The following ST18 variants were observed in gnomAD, a reference collection of about 807,000 sequenced individuals.
ST18 encodes the protein suppression of tumorigenicity 18 protein.
ST18 carries 50 observed loss-of-function variants against 110.0 expected under a neutral mutation model. That is an observed-to-expected ratio of 0.45 (90% CI 0.36 to 0.58). ST18 has a LOEUF of 0.58. Among genes scored for constraint, ST18 ranks in the 20% least tolerant of loss-of-function variants. The probability of loss-of-function intolerance (pLI) is 0.00; values close to 1 mark genes in which losing one functional copy is unlikely to be tolerated. For synonymous variants in ST18, 461 were observed against 452.4 expected (o/e 1.02, Z -0.24); for missense variants, 1,306 against 1,280.1 (o/e 1.02, Z -0.31).
intron 14 of ST18, 55 bp from the exon 15 acceptor site, chr8:52,159,164 CAG>C: frequency 6.6e-7 from 1 of 1,521,714 alleles, no homozygotes; most frequent in Non-Finnish European, 8.9e-7. Flanking sequence ...AGTCATTAAA[CAG>C]ATTTGTTTTT....
chr8:52,325,381 T>C (rs1805849486), intron 2 of ST18, among the ~76,000 whole-genome samples: 1 of 152,320 alleles, frequency 6.6e-6, no homozygotes, highest in East Asian at 1.9e-4. Context: ...TACTAAGAAA[T>C]CTGTAAATGC....
In ST18 at chr8:52,360,824, C is replaced by T. The variant is rs189587284; in HGVS notation, c.-465+48504G>A. On this transcript the variant is annotated intron_variant, in intron 2 of 25. Coordinates refer to ENST00000689386, the MANE Select transcript of ST18 (RefSeq NM_001352837.2). ...AGTTTTTTGAGTTTTACAAAGCCTT[C>T]CTTCTCCCTCCGAACAAGCAAGCGA... Among the ~76,000 whole-genome samples the T allele has an allele frequency of 2.0e-5, 3 of 152,262 alleles. No individual in the cohort carries two copies. In the East Asian group the frequency reaches 5.8e-4, roughly 29 times the overall value.
At chr8:52,159,219 A>G in intron 14 of ST18, 110 bp from the exon 15 acceptor site, 1 of 1,020,602 alleles carries the variant, frequency 9.8e-7, no homozygotes, top group Non-Finnish European at 1.4e-6. Flanking sequence ...TGAAGAATAA[A>G]TTAAAACACG....
In ST18 at chr8:52,116,332, C is replaced by T. The variant is rs551060800; in HGVS notation, c.2946G>A (p.Leu982=). The T allele has an allele frequency of 1.2e-6, 2 of 1,614,002 alleles. No individual in the cohort carries two copies. Among genetic ancestry groups the T allele is most frequent in the South Asian group, 2.2e-5 (2 of 91,068 alleles). ...AAATGAGAGCTTGGCTTAGACCTGC[C>T]AGCTCTTTCAGCAGACTTTCATTGT... The part of the protein sequence containing the change: ...EQNNESLLKE[L]AGLSQALISS... The change falls in exon 25 of 26, where the codon CTG becomes CTA. Residue 982 remains leucine, a synonymous_variant. Coordinates refer to ENST00000689386, the MANE Select transcript of ST18 (RefSeq NM_001352837.2).
intron 2 of ST18, among the ~76,000 whole-genome samples, chr8:52,378,855 T>C (rs1487443665): frequency 6.6e-6 from 1 of 152,198 alleles, no homozygotes. Context: ...TCCTACCTCA[T>C]TTTCTTGATC....
intron 2 of ST18, among the ~76,000 whole-genome samples, chr8:52,353,694 A>G (rs1471251359): frequency 6.6e-6 from 1 of 152,248 alleles, no homozygotes; most frequent in Non-Finnish European, 1.5e-5. Flanking sequence ...AGGGGAAATC[A>G]ACTAAAACTG....
intron 7 of ST18, among the ~76,000 whole-genome samples, chr8:52,213,317 A>C (rs2082887523): frequency 6.6e-6 from 1 of 152,164 alleles, no homozygotes; most frequent in Admixed American, 6.5e-5. Context: ...AACTATCTTG[A>C]CTACATACAC....
intron 22 of ST18, 124 bp downstream of exon 22, chr8:52,131,834 G>T: frequency 2.6e-6 from 2 of 760,664 alleles, no homozygotes; most frequent in African/African-American, 1.8e-5. Context: ...AAGACTTCAT[G>T]TTATGACATC....
chr8:52,239,811 T>A (rs1236177276), intron 2 of ST18, among the ~76,000 whole-genome samples: 2 of 152,096 alleles, frequency 1.3e-5, no homozygotes, highest in East Asian at 3.9e-4. Flanking sequence ...AACCCCTTTT[T>A]TGAGACAGGT....
intron 19 of ST18, among the ~76,000 whole-genome samples, chr8:52,133,577 G>C (rs1048649955): frequency 1.3e-5 from 2 of 151,432 alleles, no homozygotes; most frequent in African/African-American, 2.4e-5. Context: ...TGGATTAGTT[G>C]TTGTTTATTG....
intron 2 of ST18, among the ~76,000 whole-genome samples, chr8:52,345,445 T>C (rs1466060453): frequency 6.6e-6 from 1 of 152,246 alleles, no homozygotes; most frequent in Non-Finnish European, 1.5e-5. Flanking sequence ...GATGGATGCA[T>C]GAAATGCAGG....
intron 2 of ST18, chr8:52,254,369 T>G (rs2094457638): frequency 6.6e-6 from 1 of 152,190 alleles, no homozygotes; most frequent in Non-Finnish European, 1.5e-5. Flanking sequence ...TTTGACTGCT[T>G]AGAGATAAGC....
intron 2 of ST18, among the ~76,000 whole-genome samples, chr8:52,242,575 A>ATGCCTGTAAT (rs2093519595): frequency 6.6e-6 from 1 of 152,228 alleles, no homozygotes; most frequent in Admixed American, 6.5e-5. Flanking sequence ...ACTGTGGCCC[A>ATGCCTGTAAT]TGCCTGTAAT....
chr8:52,299,677 C>A (rs143138770), intron 2 of ST18, among the ~76,000 whole-genome samples: 1 of 152,294 alleles, frequency 6.6e-6, no homozygotes, highest in East Asian at 1.9e-4. Flanking sequence ...TTTTTGTTTG[C>A]TCTTCTGTCA....
intron 2 of ST18, among the ~76,000 whole-genome samples, chr8:52,379,467 G>C (rs1833706688): frequency 6.6e-6 from 1 of 151,964 alleles, no homozygotes; most frequent in Non-Finnish European, 1.5e-5. Flanking sequence ...GTGAAGTACA[G>C]TTGACCTTTG....
chr8:52,261,086 T>C (rs916527991), intron 2 of ST18, among the ~76,000 whole-genome samples: 6 of 152,024 alleles, frequency 3.9e-5, no homozygotes, highest in African/African-American at 1.2e-4. Flanking sequence ...TGTCCTGGGA[T>C]TGGAGGTGAG....
chr8:52,392,239 G>C (rs1328725484), intron 2 of ST18, among the ~76,000 whole-genome samples: 2 of 152,132 alleles, frequency 1.3e-5, no homozygotes, highest in Non-Finnish European at 2.9e-5. Flanking sequence ...GCAAGGAGTA[G>C]TTTTGACAAA....
At chr8:52,349,898 TCTGGAAAGCCCCTAGCAGGGG>T (rs1819485751) in intron 2 of ST18, among the ~76,000 whole-genome samples, 1 of 152,018 alleles carries the variant, frequency 6.6e-6, no homozygotes, top group South Asian at 2.1e-4. Flanking sequence ...AGGAGGACTG[TCTGGAAAGCCCCTAGCAGGGG>T]CTGGAGCTTT....
intron 17 of ST18, among the ~76,000 whole-genome samples, chr8:52,140,485 C>A (rs1176204390): frequency 6.6e-6 from 1 of 151,862 alleles, no homozygotes; most frequent in Non-Finnish European, 1.5e-5. Context: ...GAACGCACCA[C>A]TGAACTCCAG....
Sources: gnomAD v4.1 joint callset for allele counts (sites outside exome capture counted in the v4.1 genomes callset) on GRCh38, gnomAD v4.1.1 for gene constraint, MANE v1.5 for transcripts, NCBI Gene and HGNC (gene_info 2026-07-23, HGNC 2026-07-21) for gene names.